The following SHTN1 variants were observed in gnomAD, a reference collection of about 807,000 sequenced individuals.
The protein encoded by SHTN1 is shootin 1.
Under a neutral mutation model 83.1 loss-of-function variants are expected in SHTN1, and 42 were observed. The observed-to-expected ratio is 0.51, with a 90% CI of 0.39 to 0.65. SHTN1 has a LOEUF of 0.65. Ranked by LOEUF, SHTN1 falls within the 30% of genes least tolerant of loss-of-function variation. The probability of loss-of-function intolerance (pLI) is 0.00; values close to 1 mark genes in which losing one functional copy is unlikely to be tolerated. For synonymous variants in SHTN1, 224 were observed against 247.7 expected (o/e 0.90, Z 0.90); for missense variants, 622 against 737.8 (o/e 0.84, Z 1.82).
chr10:117,097,692 A>C (rs1160274800), intron 1 of SHTN1, among the ~76,000 whole-genome samples: 1 of 152,196 alleles, frequency 6.6e-6, no homozygotes, highest in Non-Finnish European at 1.5e-5. Flanking sequence ...CCCAGTTTAC[A>C]CTTTAATCTC....
chr10:117,040,627 G>C (rs1036779924), intron 2 of SHTN1, among the ~76,000 whole-genome samples: 1 of 152,040 alleles, frequency 6.6e-6, no homozygotes, highest in Non-Finnish European at 1.5e-5. Flanking sequence ...AATCTAAAAC[G>C]GTTTTTTAAA....
intron 1 of SHTN1, among the ~76,000 whole-genome samples, chr10:117,112,784 A>G (rs751529199): frequency 1.2e-4 from 18 of 152,248 alleles, no homozygotes; most frequent in Non-Finnish European, 1.9e-4. Context: ...ATTAGCAAGA[A>G]TGAATCATTA....
chr10:116,999,904 CTCTG>C lies in SHTN1; in HGVS notation c.58+5114_58+5117del, dbSNP rs575720003. 7.4e-4 allele frequency among the ~76,000 whole-genome samples: 112 copies of C among 152,204 alleles called. 2 individuals are homozygous for C. The South Asian group carries it at 0.022, about 30-fold the overall frequency. The stretch of plus-strand genomic sequence containing the variant: ...CTCCAGCCTGGGTGACAGAGTGAGA[CTCTG>C]TCTCAAATAAATAAATACATAAATA... On this transcript the variant is annotated intron_variant, in intron 1 of 16. Transcript: ENST00000355371.
At chr10:117,053,214 A>G (rs1852774894) in intron 1 of SHTN1, among the ~76,000 whole-genome samples, 1 of 151,686 alleles carries the variant, frequency 6.6e-6, no homozygotes, top group Non-Finnish European at 1.5e-5. Flanking sequence ...AAATGATTTC[A>G]TAGATAGGAC....
intron 8 of SHTN1, among the ~76,000 whole-genome samples, chr10:116,943,693 G>C (rs1168932093): frequency 6.6e-6 from 1 of 152,156 alleles, no homozygotes; most frequent in Non-Finnish European, 1.5e-5. Flanking sequence ...CTCAAGCACA[G>C]AAAGACCCCC....
rs1847130848 is a variant in SHTN1, at chr10:116,885,274, T to C, written c.*1070A>G. 6.6e-6 allele frequency: 1 copy of C among 152,638 alleles called. No homozygotes were observed. Among genetic ancestry groups the C allele is most frequent in the Non-Finnish European group, 1.5e-5 (1 of 68,040 alleles). 9.5% of individuals were successfully genotyped at this position (152,638 alleles called of 1,614,324 possible). A position where few individuals can be genotyped will look rare whatever the true frequency, so the allele number is the denominator to read the frequency against. On this transcript the variant is annotated 3_prime_UTR_variant, in exon 17 of 17. Coordinates refer to ENST00000355371, the MANE Select transcript of SHTN1 (RefSeq NM_001127211.3). ...AATTACCATTACTGAATCATTGTCA[T>C]AAAAAGTGCATTCAAGTACATTACC...
At chr10:116,918,446 C>T (rs1015200650) in intron 12 of SHTN1, among the ~76,000 whole-genome samples, 1 of 151,930 alleles carries the variant, frequency 6.6e-6, no homozygotes, top group African/African-American at 2.4e-5. Flanking sequence ...ATTTCTTTCA[C>T]TAACTTTCTT....
chr10:116,886,801 T>G (rs1355043523), intron 16 of SHTN1, among the ~76,000 whole-genome samples: 1 of 152,218 alleles, frequency 6.6e-6, no homozygotes, highest in Non-Finnish European at 1.5e-5. Context: ...AGCGATTAAC[T>G]ACAGAAGTGT....
chr10:116,962,052 TC>T (rs2133443984), intron 3 of SHTN1, among the ~76,000 whole-genome samples: 1 of 97,150 alleles, frequency 1.0e-5, no homozygotes, highest in African/African-American at 4.2e-5. Context: ...CCCCCCCCCT[TC>T]CACATCACCC....
At chr10:117,027,715 G>T (rs1340192594) in intron 2 of SHTN1, among the ~76,000 whole-genome samples, 1 of 152,132 alleles carries the variant, frequency 6.6e-6, no homozygotes, top group Non-Finnish European at 1.5e-5. Flanking sequence ...AGCCAGGATG[G>T]TCTCGATCTC....
intron 1 of SHTN1, among the ~76,000 whole-genome samples, chr10:117,112,155 A>AG (rs1410956610): frequency 6.6e-6 from 1 of 152,088 alleles, no homozygotes; most frequent in Admixed American, 6.6e-5. Flanking sequence ...TGGTAGAGAC[A>AG]GGGTTTTGCC....
At chr10:117,044,876 G>T (rs1478833142) in intron 2 of SHTN1, among the ~76,000 whole-genome samples, 1 of 152,222 alleles carries the variant, frequency 6.6e-6, no homozygotes, top group African/African-American at 2.4e-5. Flanking sequence ...GTGCTAAAAA[G>T]AAAGGATGTT....
chr10:117,081,903 G>T (rs11197889), intron 1 of SHTN1, among the ~76,000 whole-genome samples: 28,625 of 149,926 alleles, frequency 0.19, 2,940 homozygotes, highest in East Asian at 0.42. Flanking sequence ...ATTTTTTATT[G>T]CGTCTATTTG....
intron 4 of SHTN1, among the ~76,000 whole-genome samples, chr10:116,958,206 C>G (rs1310525303): frequency 1.3e-5 from 2 of 151,874 alleles, no homozygotes; most frequent in African/African-American, 4.8e-5. Flanking sequence ...TTTTTGAAAG[C>G]CTCCTTTCAA....
At chr10:116,961,385 A>C (rs1225427522) in intron 3 of SHTN1, among the ~76,000 whole-genome samples, 2 of 152,192 alleles carry the variant, frequency 1.3e-5, no homozygotes, top group East Asian at 3.8e-4. Context: ...TCTAACCTTG[A>C]CATTTTTTCA....
At chr10:117,005,260 C>T (rs1851976928), upstream of SHTN1, 1 of 1,450,734 alleles carries the variant, frequency 6.9e-7, no homozygotes, top group Middle Eastern at 2.5e-4. Context: ...CACGCACCTA[C>T]TCGGCGGCTG....
chr10:117,081,545 C>T (rs1283411782), intron 1 of SHTN1, among the ~76,000 whole-genome samples: 34 of 139,698 alleles, frequency 2.4e-4, no homozygotes, highest in African/African-American at 9.0e-4. Flanking sequence ...TGATGCTGGC[C>T]TCATAAAATG....
intron 2 of SHTN1, among the ~76,000 whole-genome samples, chr10:117,020,371 C>T (rs536562191): frequency 8.6e-5 from 13 of 151,078 alleles, no homozygotes; most frequent in Admixed American, 1.3e-4. Flanking sequence ...TGGTGACACG[C>T]GCCTGTAATC....
intron 16 of SHTN1, among the ~76,000 whole-genome samples, chr10:116,893,609 C>T (rs192434694): frequency 6.9e-4 from 105 of 151,818 alleles, no homozygotes; most frequent in African/African-American, 2.2e-3. Flanking sequence ...AGAAAGAAAG[C>T]GGAGAAGCGG....
Sources: allele counts gnomAD v4.1 joint callset (sites outside exome capture counted in the v4.1 genomes callset), GRCh38; gene constraint gnomAD v4.1.1; transcripts MANE v1.5; gene names NCBI Gene and HGNC (gene_info 2026-07-23, HGNC 2026-07-21).